The following SLC25A31 variants were observed in gnomAD, a reference collection of about 807,000 sequenced individuals.
SLC25A31 encodes the protein ADP/ATP translocase 4.
SLC25A31 carries 40 observed loss-of-function variants against 36.2 expected under a neutral mutation model. The observed-to-expected ratio is 1.10, with a 90% CI of 0.86 to 1.44. The LOEUF (loss-of-function observed/expected upper bound fraction) is 1.44. Ranked by LOEUF, SLC25A31 falls within the 40% of genes most tolerant of loss-of-function variation. SLC25A31 has a pLI of 0.00. For synonymous variants in SLC25A31, 143 were observed against 149.7 expected (o/e 0.96, Z 0.32); for missense variants, 350 against 397.1 (o/e 0.88, Z 1.01).
chr4:127,773,769 T>TCAC lies in SLC25A31; in HGVS notation c.*197_*198insCCA. Reference sequence around the variant, plus strand: ...ATGTGGATTTTCCTCCCACTTAGACTCAAACACATTTTAGTGTGATATTTC... The same window carrying TCAC: ...ATGTGGATTTTCCTCCCACTTAGACTCACCAAACACATTTTAGTGTGATATTTC... On this transcript the variant is annotated 3_prime_UTR_variant, in exon 6 of 6. Coordinates refer to ENST00000281154, the MANE Select transcript of SLC25A31 (RefSeq NM_031291.4). 1 of 422,174 alleles carries TCAC rather than the reference T, an allele frequency of 2.4e-6. No homozygotes were observed. Among genetic ancestry groups the TCAC allele is most frequent in the Non-Finnish European group, 4.1e-6 (1 of 243,044 alleles). The allele number at this position is 422,174 out of a possible 1,614,324, so 26.2% of individuals were successfully genotyped here.
At chr4:127,738,137 C>T (rs1731667690) in intron 1 of SLC25A31, among the ~76,000 whole-genome samples, 1 of 152,172 alleles carries the variant, frequency 6.6e-6, no homozygotes, top group African/African-American at 2.4e-5. Flanking sequence ...GGCACCATCA[C>T]AGCTCACTGC....
At position 127,730,493 on chromosome 4, in the gene SLC25A31, G is replaced by T; in HGVS notation, c.-53G>T. 1 of 1,557,676 alleles carries T rather than the reference G, an allele frequency of 6.4e-7. No homozygotes were observed. Among genetic ancestry groups the T allele is most frequent in the Non-Finnish European group, 8.8e-7 (1 of 1,133,672 alleles). ...CGGTTTTCCGCTTCCCTTCATCGTAGCTCCCGTACTCATTTTTAGCCACTG... is the reference window on the plus strand; with the variant it reads ...CGGTTTTCCGCTTCCCTTCATCGTATCTCCCGTACTCATTTTTAGCCACTG... On this transcript the variant is annotated 5_prime_UTR_variant, in exon 1 of 6. Coordinates refer to ENST00000281154, the MANE Select transcript of SLC25A31 (RefSeq NM_031291.4).
intron 2 of SLC25A31, among the ~76,000 whole-genome samples, chr4:127,757,142 A>T (rs910394205): frequency 1.3e-5 from 2 of 152,170 alleles, no homozygotes. Flanking sequence ...AAGGAAGAAA[A>T]TTTTAAAATA....
intron 1 of SLC25A31, among the ~76,000 whole-genome samples, chr4:127,741,171 G>T (rs1287569348): frequency 6.6e-6 from 1 of 152,172 alleles, no homozygotes; most frequent in Non-Finnish European, 1.5e-5. Context: ...GTAAGATCAT[G>T]TCATCTGCAA....
At chr4:127,738,749 T>C (rs908977630) in intron 1 of SLC25A31, among the ~76,000 whole-genome samples, 5 of 152,218 alleles carry the variant, frequency 3.3e-5, no homozygotes, top group Non-Finnish European at 7.3e-5. Flanking sequence ...AGTCTTTTTG[T>C]AAGTGTAGAA....
At chr4:127,757,983 G>C (rs769588984) in intron 2 of SLC25A31, among the ~76,000 whole-genome samples, 1 of 152,128 alleles carries the variant, frequency 6.6e-6, no homozygotes, top group Non-Finnish European at 1.5e-5. Context: ...CCTCAGAATC[G>C]TGGTGGGTGG....
chr4:127,768,415 G>A (rs1732286491), intron 4 of SLC25A31, among the ~76,000 whole-genome samples: 1 of 151,992 alleles, frequency 6.6e-6, no homozygotes, highest in South Asian at 2.1e-4. Context: ...GATGATAAAA[G>A]CAAGCATTTG....
At position 127,765,096 on chromosome 4, in the gene SLC25A31, G is replaced by A. The variant is rs182092766; in HGVS notation, c.478+736G>A. On this transcript the variant is annotated intron_variant, in intron 3 of 5. Transcript: ENST00000281154. ...ATGTGAGTCTTTTTTCAGTGTTTGA[G>A]TGATTGCAGCGGTCACACAACTGGC... 1.9e-3 allele frequency among the ~76,000 whole-genome samples: 288 copies of A among 152,236 alleles called. 1 individual carries two copies. The highest frequency in any genetic ancestry group is 3.4e-3 in the Middle Eastern group (1 of 294).
intron 2 of SLC25A31, among the ~76,000 whole-genome samples, chr4:127,756,423 G>A (rs1732031601): frequency 6.6e-6 from 1 of 152,146 alleles, no homozygotes; most frequent in Non-Finnish European, 1.5e-5. Context: ...GCTTTCTGAG[G>A]TCGATGGAGC....
At chr4:127,735,342 A>G (rs1225012160) in intron 1 of SLC25A31, among the ~76,000 whole-genome samples, 1 of 152,198 alleles carries the variant, frequency 6.6e-6, no homozygotes, top group Admixed American at 6.5e-5. Context: ...GTTTGAAAAT[A>G]TTGTTTTTCA....
intron 5 of SLC25A31, among the ~76,000 whole-genome samples, chr4:127,771,430 T>C (rs1305864056): frequency 6.6e-6 from 1 of 152,236 alleles, no homozygotes; most frequent in Non-Finnish European, 1.5e-5. Context: ...ACAGTACTAC[T>C]TAATTTTTGT....
chr4:127,751,994 T>G (rs1731942402), intron 2 of SLC25A31, among the ~76,000 whole-genome samples: 1 of 152,188 alleles, frequency 6.6e-6, no homozygotes, highest in South Asian at 2.1e-4. Context: ...GTTCAACCAT[T>G]GTGGAAGACA....
intron 5 of SLC25A31, among the ~76,000 whole-genome samples, chr4:127,772,809 T>C (rs1043874046): frequency 5.4e-5 from 8 of 146,944 alleles, no homozygotes; most frequent in African/African-American, 2.0e-4. Flanking sequence ...TGAGACAGGG[T>C]CTTACCCTGT....
intron 5 of SLC25A31, among the ~76,000 whole-genome samples, chr4:127,769,493 T>C (rs1330563768): frequency 6.6e-6 from 1 of 152,212 alleles, no homozygotes; most frequent in African/African-American, 2.4e-5. Flanking sequence ...CTGGTAAGTA[T>C]ACAAAGCAAA....
At chr4:127,770,797 C>G (rs1451697714) in intron 5 of SLC25A31, among the ~76,000 whole-genome samples, 1 of 151,862 alleles carries the variant, frequency 6.6e-6, no homozygotes, top group Non-Finnish European at 1.5e-5. Flanking sequence ...TTTGCTTAAA[C>G]AACAAATTTA....
chr4:127,734,909 A>G (rs1419908326), intron 1 of SLC25A31, among the ~76,000 whole-genome samples: 2 of 152,176 alleles, frequency 1.3e-5, no homozygotes, highest in Non-Finnish European at 2.9e-5. Flanking sequence ...GATCCTGAAA[A>G]AAAGAGTGGG....
At chr4:127,753,724 T>G (rs1731978683) in intron 2 of SLC25A31, among the ~76,000 whole-genome samples, 1 of 151,980 alleles carries the variant, frequency 6.6e-6, no homozygotes, top group Non-Finnish European at 1.5e-5. Context: ...TCAGATGGCT[T>G]TATGGCAAAT....
intron 2 of SLC25A31, among the ~76,000 whole-genome samples, chr4:127,745,734 G>C (rs1287073378): frequency 6.6e-6 from 1 of 152,132 alleles, no homozygotes; most frequent in African/African-American, 2.4e-5. Context: ...CAGGTAGAAA[G>C]GTAACCAAGA....
rs1447231505 is a variant in SLC25A31, at chr4:127,730,722, C to T, written c.177C>T (p.Pro59=). Residue 59 remains proline, a synonymous_variant, in exon 1 of 6, where the codon CCC becomes CCT. Coordinates refer to ENST00000281154, the MANE Select transcript of SLC25A31 (RefSeq NM_031291.4). ...QVQASSKQIS[P]EARYKGMVDC... is the part of the protein sequence containing the mutation. ...AGGCGTCGTCGAAGCAGATCAGCCC[C>T]GAGGCGCGGTACAAAGGCATGGTGG... 1 of 1,613,678 alleles carries T rather than the reference C, an allele frequency of 6.2e-7. No homozygotes were observed. The highest frequency in any genetic ancestry group is 8.5e-7 in the Non-Finnish European group (1 of 1,179,942).
Sources: allele counts gnomAD v4.1 joint callset (sites outside exome capture counted in the v4.1 genomes callset), GRCh38; gene constraint gnomAD v4.1.1; transcripts MANE v1.5; gene names NCBI Gene and HGNC (gene_info 2026-07-23, HGNC 2026-07-21).